The following PLA2G4A variants were observed in gnomAD, a reference collection of about 807,000 sequenced individuals.
The protein encoded by PLA2G4A is cytosolic phospholipase A2.
A neutral mutation model predicts 81.9 loss-of-function variants in PLA2G4A; 40 were observed. The observed-to-expected ratio is 0.49, with a 90% CI of 0.38 to 0.64. The LOEUF (loss-of-function observed/expected upper bound fraction) is 0.64. PLA2G4A is among the 30% of genes least tolerant of loss of function. The pLI is 0.00. For missense variants in PLA2G4A, 715 were observed against 905.1 expected (o/e 0.79, Z 2.69); for synonymous variants, 302 against 296.9 (o/e 1.02, Z -0.18).
intron 2 of PLA2G4A, among the ~76,000 whole-genome samples, chr1:186,869,004 T>G (rs538476181): frequency 2.0e-5 from 3 of 152,120 alleles, no homozygotes; most frequent in African/African-American, 7.2e-5. Context: ...GTTGCATTGA[T>G]TTTTTCTATT....
At chr1:186,976,081 T>C (rs996616089) in intron 15 of PLA2G4A, among the ~76,000 whole-genome samples, 2 of 152,228 alleles carry the variant, frequency 1.3e-5, no homozygotes, top group African/African-American at 4.8e-5. Context: ...TATTTTTTCC[T>C]GGCATTTATC....
chr1:186,856,338 T>C (rs1219353533), intron 2 of PLA2G4A, among the ~76,000 whole-genome samples: 1 of 151,644 alleles, frequency 6.6e-6, no homozygotes, highest in Non-Finnish European at 1.5e-5. Context: ...TGATATTTGA[T>C]GTTTTAATGT....
At chr1:186,869,177 C>T (rs1444208894) in intron 2 of PLA2G4A, among the ~76,000 whole-genome samples, 1 of 151,956 alleles carries the variant, frequency 6.6e-6, no homozygotes, top group African/African-American at 2.4e-5. Context: ...CTATAAATTT[C>T]CCATTCAGTA....
intron 2 of PLA2G4A, among the ~76,000 whole-genome samples, chr1:186,860,182 T>C (rs1652744759): frequency 6.6e-6 from 1 of 152,144 alleles, no homozygotes; most frequent in South Asian, 2.1e-4. Flanking sequence ...TATTAATTAA[T>C]TTATTATGAC....
intron 17 of PLA2G4A, among the ~76,000 whole-genome samples, chr1:186,981,857 G>C (rs1256695595): frequency 1.3e-5 from 2 of 149,170 alleles, no homozygotes; most frequent in Non-Finnish European, 3.0e-5. Context: ...AGCGAAGTTA[G>C]AAGACTTACT....
rs189218197 is a variant in PLA2G4A at position 186,921,399 on chromosome 1, A to C, written c.558+10010A>C. On this transcript the variant is annotated intron_variant, in intron 7 of 17. Coordinates refer to ENST00000367466, the MANE Select transcript of PLA2G4A (RefSeq NM_024420.3). ...AGTCAATTAAAGCTTGAGGCTTTTCAGTGTAAGATGGAGTATTATTTTTCC... is the reference window on the plus strand; with the variant it reads ...AGTCAATTAAAGCTTGAGGCTTTTCCGTGTAAGATGGAGTATTATTTTTCC... Among the ~76,000 whole-genome samples, 827 of 152,326 alleles carry C rather than the reference A, an allele frequency of 5.4e-3. 6 individuals are homozygous for C. The highest frequency in any genetic ancestry group is 0.019 in the African/African-American group (795 of 41,584).
intron 8 of PLA2G4A, among the ~76,000 whole-genome samples, 162 bp from the exon 9 acceptor site, chr1:186,938,846 G>T (rs12720595): frequency 1.3e-5 from 2 of 152,138 alleles, no homozygotes; most frequent in Non-Finnish European, 2.9e-5. Context: ...GCTCCTGTCT[G>T]ATTGACACAT....
intron 1 of PLA2G4A, among the ~76,000 whole-genome samples, chr1:186,845,804 A>G (rs1266724309): frequency 1.3e-5 from 2 of 152,178 alleles, no homozygotes; most frequent in Non-Finnish European, 2.9e-5. Flanking sequence ...ACCACATACT[A>G]TTAAACTTTC....
chr1:186,931,109 A>G (rs1287928552), intron 7 of PLA2G4A, among the ~76,000 whole-genome samples: 2 of 151,954 alleles, frequency 1.3e-5, no homozygotes, highest in Non-Finnish European at 2.9e-5. Flanking sequence ...TCCTACCTTA[A>G]CTTTATTTCC....
At chr1:186,889,754 G>T (rs1654068649) in intron 3 of PLA2G4A, among the ~76,000 whole-genome samples, 1 of 124,594 alleles carries the variant, frequency 8.0e-6, no homozygotes, top group South Asian at 3.0e-4. Context: ...ATTTTCAACT[G>T]TTGGATCTTT....
intron 7 of PLA2G4A, among the ~76,000 whole-genome samples, chr1:186,914,335 C>G (rs1357661088): frequency 6.8e-6 from 1 of 147,964 alleles, no homozygotes; most frequent in Non-Finnish European, 1.5e-5. Context: ...CTCCTGAGCT[C>G]AAGCAACACT....
chr1:186,934,722 G>A (rs1356646282), intron 8 of PLA2G4A, among the ~76,000 whole-genome samples: 2 of 151,820 alleles, frequency 1.3e-5, no homozygotes, highest in African/African-American at 4.8e-5. Context: ...TGACTTCTCA[G>A]TGTATGTGGT....
At chr1:186,963,338 C>T (rs1657024685) in intron 14 of PLA2G4A, among the ~76,000 whole-genome samples, 1 of 152,196 alleles carries the variant, frequency 6.6e-6, no homozygotes, top group African/African-American at 2.4e-5. Flanking sequence ...TACATCGTTA[C>T]ATTCCAGGTT....
chr1:186,966,452 A>G (rs1197880203), intron 15 of PLA2G4A, among the ~76,000 whole-genome samples: 2 of 152,142 alleles, frequency 1.3e-5, no homozygotes, highest in Non-Finnish European at 2.9e-5. Context: ...AAGATTTATC[A>G]TTAGGTATGG....
Position 186,906,982 on chromosome 1 carries a change from A to G in PLA2G4A, c.396A>G (p.Leu132=). Residue 132 remains leucine, a synonymous_variant, in exon 6 of 18, where the codon CTA becomes CTG. Transcript: ENST00000367466. ...TTTTTTAGGTCACTGAAATGGTTCT[A>G]GAAATGTCTCTTGAAGTTTGGTAAG... ...FIFNQVTEMV[L]EMSLEVCSCP... 5 of 1,512,344 alleles carry G rather than the reference A, an allele frequency of 3.3e-6. No homozygotes were observed. The highest frequency in any genetic ancestry group is 2.3e-5 in the East Asian group (1 of 44,264). 93.7% of individuals were successfully genotyped at this position (1,512,344 alleles called of 1,614,324 possible). A position where few individuals can be genotyped will look rare whatever the true frequency, so the allele number is the denominator to read the frequency against.
At chr1:186,841,752 T>C (rs2102007823) in intron 1 of PLA2G4A, among the ~76,000 whole-genome samples, 1 of 152,170 alleles carries the variant, frequency 6.6e-6, no homozygotes, top group Admixed American at 6.5e-5. Flanking sequence ...GAACACTGGC[T>C]TGGGAGTGAG....
chr1:186,883,767 G>A lies in PLA2G4A; in HGVS notation c.116-9244G>A, dbSNP rs969247966. 2.6e-5 allele frequency among the ~76,000 whole-genome samples: 4 copies of A among 152,138 alleles called. No homozygotes were observed. The South Asian group carries it at 8.3e-4, about 31-fold the overall frequency. Reference sequence around the variant, plus strand: ...ACCAAGGATGTTGCATATGTGTTAAGTAAAGTGAGAAAAAGCTCACTGAAT... The same window carrying A: ...ACCAAGGATGTTGCATATGTGTTAAATAAAGTGAGAAAAAGCTCACTGAAT... On this transcript the variant is annotated intron_variant, in intron 3 of 17. Coordinates refer to ENST00000367466, the MANE Select transcript of PLA2G4A (RefSeq NM_024420.3).
chr1:186,854,349 A>G lies in PLA2G4A; in HGVS notation c.-6A>G. 6.4e-7 allele frequency: 1 copy of G among 1,559,390 alleles called. No homozygotes were observed. Among genetic ancestry groups the G allele is most frequent in the Non-Finnish European group, 8.8e-7 (1 of 1,131,150 alleles). On this transcript the variant is annotated 5_prime_UTR_variant, in exon 2 of 18. Transcript: ENST00000367466. The stretch of plus-strand genomic sequence containing the variant: ...TGTGAAAACATTTCCTGTAATTGAA[A>G]CCAAAATGTCATTTATAGATCCTTA...
chr1:186,843,913 A>G (rs912548639), intron 1 of PLA2G4A, among the ~76,000 whole-genome samples: 1 of 152,240 alleles, frequency 6.6e-6, no homozygotes, highest in African/African-American at 2.4e-5. Context: ...GGTATTTCAT[A>G]TATACTTGTC....
Sources: allele counts gnomAD v4.1 joint callset (sites outside exome capture counted in the v4.1 genomes callset), GRCh38; gene constraint gnomAD v4.1.1; transcripts MANE v1.5; gene names NCBI Gene and HGNC (gene_info 2026-07-23, HGNC 2026-07-21).